Variants in ST3GAL6 observed in about 807,000 individuals in gnomAD.
The protein encoded by ST3GAL6 is ST3 beta-galactoside alpha-2,3-sialyltransferase 6.
A neutral mutation model predicts 40.5 loss-of-function variants in ST3GAL6; 31 were observed. That is an observed-to-expected ratio of 0.77 (90% CI 0.58 to 1.03). The LOEUF is 1.03. Among genes scored for constraint, ST3GAL6 ranks in the 50% least tolerant of loss-of-function variants. ST3GAL6 has a pLI of 0.00. For synonymous variants in ST3GAL6, 129 were observed against 136.9 expected (o/e 0.94, Z 0.40); for missense variants, 357 against 393.2 (o/e 0.91, Z 0.78).
At chr3:98,779,464 T>A (rs1425133982) in intron 5 of ST3GAL6, among the ~76,000 whole-genome samples, 1 of 152,224 alleles carries the variant, frequency 6.6e-6, no homozygotes, top group African/African-American at 2.4e-5. Flanking sequence ...GGTAGAGTCA[T>A]GTATTTTAAT....
chr3:98,758,265 G>A (rs1420651283), intron 1 of ST3GAL6, among the ~76,000 whole-genome samples: 1 of 152,118 alleles, frequency 6.6e-6, no homozygotes, highest in African/African-American at 2.4e-5. Flanking sequence ...AGTCACCATG[G>A]TATTTGCTTC....
At chr3:98,741,050 C>CTGTGTGTGTGTGTG (rs748180004) in intron 1 of ST3GAL6, among the ~76,000 whole-genome samples, 1 of 78,840 alleles carries the variant, frequency 1.3e-5, no homozygotes, top group African/African-American at 5.2e-5. Flanking sequence ...TAGAGGGATT[C>CTGTGTGTGTGTGTG]AGTGTGTGTG....
At chr3:98,760,848 A>G (rs114332892), upstream of ST3GAL6, among the ~76,000 whole-genome samples, 1,287 of 152,356 alleles carry the variant, frequency 8.4e-3, 15 homozygotes, top group Non-Finnish European at 8.4e-3. Context: ...TGATAAATTA[A>G]TTGTGGTATG....
At chr3:98,746,525 G>A (rs115840124) in intron 1 of ST3GAL6, among the ~76,000 whole-genome samples, 369 of 151,962 alleles carry the variant, frequency 2.4e-3, no homozygotes, top group Middle Eastern at 0.017. Flanking sequence ...TTCTAGACTG[G>A]GTTGTTTTAT....
intron 5 of ST3GAL6, among the ~76,000 whole-genome samples, chr3:98,775,965 C>A (rs1939512050): frequency 6.6e-6 from 1 of 152,148 alleles, no homozygotes; most frequent in Non-Finnish European, 1.5e-5. Flanking sequence ...TGGCAAATAA[C>A]CCTGTAGGAT....
intron 1 of ST3GAL6, chr3:98,733,256 A>T (rs1178331211): frequency 1.0e-6 from 1 of 981,434 alleles, no homozygotes; most frequent in Non-Finnish European, 1.2e-6. Context: ...CACCGCCGAG[A>T]GGGCACCCGG....
Position 98,770,942 on chromosome 3 carries a change from T to C in ST3GAL6, c.153T>C (p.Phe51=). Residue 51 remains phenylalanine, a synonymous_variant, in exon 3 of 10, where the codon TTT becomes TTC. Transcript: ENST00000483910. The part of the protein sequence containing the change: ...KIQPCLSKPA[F]ASLLRFHQFH... Reference sequence around the variant, plus strand: ...AGCCTTGTTTATCAAAGCCAGCTTTTGCCTCTCTGCTGAGGTAAAAATATA... The same window carrying C: ...AGCCTTGTTTATCAAAGCCAGCTTTCGCCTCTCTGCTGAGGTAAAAATATA... 6.2e-7 allele frequency: 1 copy of C among 1,614,148 alleles called. No homozygotes were observed. Among genetic ancestry groups the C allele is most frequent in the African/African-American group, 1.3e-5 (1 of 75,054 alleles).
intron 1 of ST3GAL6, among the ~76,000 whole-genome samples, chr3:98,766,621 C>T (rs186153177): frequency 1.3e-5 from 2 of 152,096 alleles, no homozygotes; most frequent in East Asian, 3.9e-4. Flanking sequence ...CGGTGTTTCA[C>T]CATCTTGGCC....
upstream of ST3GAL6, among the ~76,000 whole-genome samples, chr3:98,760,205 G>A (rs972947376): frequency 2.0e-5 from 3 of 152,076 alleles, no homozygotes; most frequent in Non-Finnish European, 2.9e-5. Context: ...TGATCTTCTC[G>A]GCTGGATACA....
chr3:98,792,836 T>C (rs1288173631), intron 9 of ST3GAL6, among the ~76,000 whole-genome samples: 1 of 152,102 alleles, frequency 6.6e-6, no homozygotes, highest in Admixed American at 6.6e-5. Flanking sequence ...TGTAATTTAC[T>C]TGACTGGGAA....
chr3:98,752,751 G>A (rs569045596), intron 1 of ST3GAL6, among the ~76,000 whole-genome samples: 4 of 152,326 alleles, frequency 2.6e-5, no homozygotes, highest in African/African-American at 7.2e-5. Flanking sequence ...GATTACAGGC[G>A]TGAGCCACCG....
At chr3:98,791,211 T>C (rs955872460) in intron 8 of ST3GAL6, among the ~76,000 whole-genome samples, 1 of 152,206 alleles carries the variant, frequency 6.6e-6, no homozygotes, top group Non-Finnish European at 1.5e-5. Flanking sequence ...GGAAAGAGGA[T>C]GCTTGGTTTT....
At position 98,754,010 on chromosome 3, in the gene ST3GAL6, C is replaced by T. The variant is rs114247276; in HGVS notation, c.-11-14420C>T. On this transcript the variant is annotated intron_variant, in intron 1 of 9. Transcript: ENST00000265261. The stretch of plus-strand genomic sequence containing the variant: ...GTTGTTTTCATGCCTGCTAAAACAA[C>T]GTCTATTCTGCAGTCTCTGAATCAA... 8.4e-3 allele frequency among the ~76,000 whole-genome samples: 1,285 copies of T among 152,230 alleles called. 11 individuals carry two copies. The highest frequency in any genetic ancestry group is 0.017 in the Middle Eastern group (5 of 294).
At chr3:98,778,622 T>A (rs898306969) in intron 5 of ST3GAL6, among the ~76,000 whole-genome samples, 2 of 152,176 alleles carry the variant, frequency 1.3e-5, no homozygotes, top group Non-Finnish European at 2.9e-5. Flanking sequence ...CTCAGTACTT[T>A]TGCCAAAGGA....
At chr3:98,783,784 T>G (rs3772102) in intron 5 of ST3GAL6, 266,506 of 609,794 alleles carry the variant, frequency 0.44, 59,772 homozygotes, top group Non-Finnish European at 0.44. Context: ...GATTTAGGCA[T>G]GACTCTTTAA....
chr3:98,752,637 A>G (rs1042785474), intron 1 of ST3GAL6, among the ~76,000 whole-genome samples: 1 of 151,990 alleles, frequency 6.6e-6, no homozygotes, highest in African/African-American at 2.4e-5. Flanking sequence ...ATGCCTGGCT[A>G]ATTTTTTGTA....
upstream of ST3GAL6, among the ~76,000 whole-genome samples, chr3:98,759,605 GTTTTT>G (rs879761379): frequency 2.7e-5 from 4 of 147,052 alleles, no homozygotes; most frequent in African/African-American, 9.9e-5. Context: ...CCTTTGACAA[GTTTTT>G]TTTTTTTAAA....
At chr3:98,742,489 C>T (rs1426522923) in intron 1 of ST3GAL6, among the ~76,000 whole-genome samples, 1 of 152,136 alleles carries the variant, frequency 6.6e-6, no homozygotes, top group African/African-American at 2.4e-5. Flanking sequence ...AGGGAGAGGT[C>T]TGCAAGGAGG....
intron 1 of ST3GAL6, among the ~76,000 whole-genome samples, chr3:98,741,778 C>A (rs1213216792): frequency 6.6e-6 from 1 of 152,082 alleles, no homozygotes; most frequent in African/African-American, 2.4e-5. Flanking sequence ...ACATTCCTTC[C>A]AATTGCTGTT....
Sources: gnomAD v4.1 joint callset for allele counts (sites outside exome capture counted in the v4.1 genomes callset) on GRCh38, gnomAD v4.1.1 for gene constraint, MANE v1.5 for transcripts, NCBI Gene and HGNC (gene_info 2026-07-23, HGNC 2026-07-21) for gene names.